The following NR3C2 variants were observed in gnomAD, a reference collection of about 807,000 sequenced individuals.
The protein encoded by NR3C2 is nuclear receptor subfamily 3 group C member 2, also known as mineralocorticoid receptor.
NR3C2 carries 15 observed loss-of-function variants against 86.4 expected under a neutral mutation model. The ratio of observed to expected loss-of-function variants is 0.17; its 90% CI spans 0.12 to 0.27. NR3C2 has a LOEUF of 0.27. Among genes scored for constraint, NR3C2 ranks in the 10% least tolerant of loss-of-function variants. The probability of loss-of-function intolerance (pLI) is 1.00; values close to 1 mark genes in which losing one functional copy is unlikely to be tolerated. For synonymous variants in NR3C2, 458 were observed against 450.5 expected (o/e 1.02, Z -0.21); for missense variants, 960 against 1,195.6 (o/e 0.80, Z 2.91).
chr4:148,250,126 C>T lies in NR3C2; in HGVS notation c.1897+9852G>A, dbSNP rs146180542. Among the ~76,000 whole-genome samples, 1,026 of 152,208 alleles carry T rather than the reference C, an allele frequency of 6.7e-3. 9 individuals are homozygous for T. The highest frequency in any genetic ancestry group is 0.011 in the Non-Finnish European group (770 of 68,022). On this transcript the variant is annotated intron_variant, in intron 3 of 8. Transcript: ENST00000358102. ...TGTATTTATATTTTACATATAACTACTTATCTCTAGAAAACTCATTATCAG... is the reference window on the plus strand; with the variant it reads ...TGTATTTATATTTTACATATAACTATTTATCTCTAGAAAACTCATTATCAG...
intron 2 of NR3C2, among the ~76,000 whole-genome samples, chr4:148,371,272 C>A (rs1189939650): frequency 1.3e-5 from 2 of 152,024 alleles, no homozygotes; most frequent in East Asian, 1.9e-4. Flanking sequence ...AATACTAGGT[C>A]TTATTCATTC....
intron 2 of NR3C2, among the ~76,000 whole-genome samples, chr4:148,381,569 C>T (rs907621): frequency 0.11 from 16,865 of 152,142 alleles, 1,286 homozygotes; most frequent in Non-Finnish European, 0.17. Context: ...ACACCCATGA[C>T]GAACAAGACA....
chr4:148,257,261 A>G (rs1479932697), intron 3 of NR3C2, among the ~76,000 whole-genome samples: 1 of 152,214 alleles, frequency 6.6e-6, no homozygotes, highest in Non-Finnish European at 1.5e-5. Context: ...CCATACATAT[A>G]TATGTATATA....
chr4:148,350,839 A>G (rs906145131), intron 2 of NR3C2, among the ~76,000 whole-genome samples: 3 of 152,284 alleles, frequency 2.0e-5, no homozygotes, highest in Non-Finnish European at 4.4e-5. Context: ...AAATAAATTA[A>G]TAGCCCTCAA....
Position 148,436,742 on chromosome 4 carries a change from T to C in NR3C2, c.119A>G (p.Asn40Ser). Residue 40 changes from asparagine (N) to serine (S), a missense_variant, in exon 2 of 9, where the codon AAT becomes AGT. By Grantham distance (46) the Asn-to-Ser change is conservative. Coordinates refer to ENST00000358102, the MANE Select transcript of NR3C2 (RefSeq NM_000901.5). The stretch of plus-strand genomic sequence containing the variant: ...TACGTTGACAATCTCCATGTAGTTA[T>C]TCTCATCGGTCCTCTCTGTAGGTCC... ...SLGPTERTDE[N>S]NYMEIVNVSC... The C allele has an allele frequency of 2.5e-6, 4 of 1,614,212 alleles. No homozygotes were observed. Among genetic ancestry groups the C allele is most frequent in the Non-Finnish European group, 3.4e-6 (4 of 1,180,040 alleles).
chr4:148,151,564 G>A (rs1430274333), intron 6 of NR3C2, among the ~76,000 whole-genome samples: 2 of 152,272 alleles, frequency 1.3e-5, no homozygotes, highest in Non-Finnish European at 2.9e-5. Flanking sequence ...GGGCGAACTG[G>A]TACTCTTAGG....
rs551366399 is a variant in NR3C2 at position 148,435,492 on chromosome 4, A to G, written c.1369T>C (p.Tyr457His). 1.9e-6 allele frequency: 3 copies of G among 1,614,194 alleles called. No homozygotes were observed. The highest frequency in any genetic ancestry group is 1.7e-5 in the Admixed American group (1 of 60,022). ...TCTTTATCATCCATAAAGGAAAAAT[A>G]CGAGCCATCCATAAATGGAAACGGG... ...VNPFPFMDGS[Y>H]FSFMDDKDYY... The change falls in exon 2 of 9, where the codon TAT becomes CAT. Residue 457 changes from tyrosine to histidine, a missense_variant. Tyr to His is a moderately conservative substitution (Grantham distance 83). Transcript: ENST00000358102.
At chr4:148,230,185 C>A (rs1738386822) in intron 3 of NR3C2, among the ~76,000 whole-genome samples, 1 of 152,000 alleles carries the variant, frequency 6.6e-6, no homozygotes, top group African/African-American at 2.4e-5. Context: ...AAAGAACGCA[C>A]TTTTTGTTTG....
Position 148,104,341 on chromosome 4 carries a change from G to GTT in NR3C2, c.2799+9762_2799+9763insAA, listed in dbSNP as rs1553985370. Among the ~76,000 whole-genome samples the GTT allele has an allele frequency of 4.9e-5, 6 of 122,342 alleles. 1 individual carries two copies. Among genetic ancestry groups the GTT allele is most frequent in the African/African-American group, 2.2e-4 (6 of 27,684 alleles). The allele number at this position is 122,342 out of a possible 152,430, so 80.3% of individuals were successfully genotyped here. On this transcript the variant is annotated intron_variant, in intron 8 of 8. Transcript: ENST00000358102. ...TGTTTGTTTTTTTGTGTTTTGGTTTGGTTTTTTTTTTTTTTTTTTTTGCAT... is the reference window on the plus strand; with the variant it reads ...TGTTTGTTTTTTTGTGTTTTGGTTTGTTGTTTTTTTTTTTTTTTTTTTTGCAT...
chr4:148,130,866 C>T (rs1405404973), intron 6 of NR3C2, among the ~76,000 whole-genome samples: 1 of 140,660 alleles, frequency 7.1e-6, no homozygotes, highest in African/African-American at 2.7e-5. Context: ...CTCTATCGCC[C>T]AGGCTGGAGT....
intron 3 of NR3C2, among the ~76,000 whole-genome samples, chr4:148,225,542 C>T (rs980541600): frequency 1.3e-5 from 2 of 151,990 alleles, no homozygotes; most frequent in Non-Finnish European, 2.9e-5. Flanking sequence ...GAAACTGACA[C>T]AAATATTCAT....
intron 3 of NR3C2, among the ~76,000 whole-genome samples, chr4:148,198,357 T>A (rs896314252): frequency 6.6e-6 from 1 of 152,238 alleles, no homozygotes. Context: ...AAGAAGCAAC[T>A]TTTTGTTATA....
chr4:148,134,923 G>T (rs1418848273), intron 6 of NR3C2, among the ~76,000 whole-genome samples: 2 of 151,836 alleles, frequency 1.3e-5, no homozygotes, highest in Admixed American at 1.3e-4. Context: ...TTCCCAAAGT[G>T]CTGGGATTAC....
chr4:148,219,247 C>T (rs566030860), intron 3 of NR3C2, among the ~76,000 whole-genome samples: 74 of 152,160 alleles, frequency 4.9e-4, no homozygotes, highest in African/African-American at 1.8e-3. Context: ...GATTATTAGC[C>T]ATTTATGTAT....
rs61760015 is a variant in NR3C2 at position 148,437,157 on chromosome 4, G to A, written c.-2-295C>T. Among the ~76,000 whole-genome samples, 616 of 152,284 alleles carry A rather than the reference G, an allele frequency of 4.0e-3. 2 individuals carry two copies. The highest frequency in any genetic ancestry group is 6.8e-3 in the Middle Eastern group (2 of 294). The stretch of plus-strand genomic sequence containing the variant: ...GAGTCTGCAAAAAATATTTACAAAT[G>A]TTAACTTATTAGATATTCAAAGTAA... On this transcript the variant is annotated intron_variant, in intron 1 of 8. Transcript: ENST00000358102.
intron 3 of NR3C2, among the ~76,000 whole-genome samples, chr4:148,247,662 C>T (rs1377809469): frequency 1.3e-5 from 2 of 151,274 alleles, no homozygotes; most frequent in African/African-American, 4.9e-5. Context: ...GACCACAGCA[C>T]ATTCTTGGTG....
chr4:148,356,477 T>C (rs1745554045), intron 2 of NR3C2, among the ~76,000 whole-genome samples: 2 of 152,170 alleles, frequency 1.3e-5, no homozygotes, highest in South Asian at 4.1e-4. Flanking sequence ...TGTAGTGCCA[T>C]TCATAAAGGT....
chr4:148,188,192 A>G (rs895423535), intron 4 of NR3C2, among the ~76,000 whole-genome samples: 14 of 152,098 alleles, frequency 9.2e-5, no homozygotes, highest in Admixed American at 5.9e-4. Context: ...TGCTTTGTCT[A>G]TGTAGGCTCT....
chr4:148,383,683 T>A (rs1035611504), intron 2 of NR3C2, among the ~76,000 whole-genome samples: 8 of 152,150 alleles, frequency 5.3e-5, no homozygotes, highest in Non-Finnish European at 2.9e-5. Context: ...ACGGGCGCAG[T>A]GGCTCACACC....
Sources: gnomAD v4.1 joint callset for allele counts (sites outside exome capture counted in the v4.1 genomes callset) on GRCh38, gnomAD v4.1.1 for gene constraint, MANE v1.5 for transcripts, NCBI Gene and HGNC (gene_info 2026-07-23, HGNC 2026-07-21) for gene names.